Variants in SGCZ observed in about 807,000 individuals in gnomAD.
The protein encoded by SGCZ is sarcoglycan zeta, also known as zeta-sarcoglycan.
SGCZ carries 40 observed loss-of-function variants against 41.3 expected under a neutral mutation model. The observed-to-expected ratio is 0.97, with a 90% CI of 0.75 to 1.26. The LOEUF (loss-of-function observed/expected upper bound fraction) is 1.26. SGCZ is among the 50% of genes most tolerant of loss of function. The pLI, the probability that SGCZ is intolerant of heterozygous loss-of-function variation, is 0.00. For synonymous variants in SGCZ, 206 were observed against 137.5 expected, an observed-to-expected ratio of 1.50 and a Z score of -3.49; for missense variants, 552 against 369.8, an observed-to-expected ratio of 1.49 and a Z score of -4.04.
chr8:15,184,835 C>G (rs1049326018), intron 1 of SGCZ, among the ~76,000 whole-genome samples: 3 of 152,226 alleles, frequency 2.0e-5, no homozygotes, highest in Admixed American at 2.0e-4. Context: ...TTGCTAATCT[C>G]TGTATGCCTC....
intron 2 of SGCZ, among the ~76,000 whole-genome samples, chr8:14,358,998 C>T (rs115012505): frequency 0.026 from 3,996 of 152,042 alleles, 145 homozygotes; most frequent in African/African-American, 0.09. Context: ...TGAAAATTAA[C>T]GTAATTCTAA....
chr8:14,774,083 T>A (rs752308222), intron 1 of SGCZ, among the ~76,000 whole-genome samples: 1 of 152,140 alleles, frequency 6.6e-6, no homozygotes, highest in Non-Finnish European at 1.5e-5. Flanking sequence ...TTCGTTGAGA[T>A]TAACATTTAA....
At chr8:14,365,765 C>T (rs566207662) in intron 2 of SGCZ, among the ~76,000 whole-genome samples, 10 of 152,058 alleles carry the variant, frequency 6.6e-5, no homozygotes, top group African/African-American at 2.4e-4. Flanking sequence ...TTTTGTTTTT[C>T]CAAAAATTTA....
intron 1 of SGCZ, among the ~76,000 whole-genome samples, chr8:15,223,836 C>G (rs1018241224): frequency 3.4e-5 from 5 of 149,026 alleles, no homozygotes; most frequent in African/African-American, 1.3e-4. Flanking sequence ...CAGTTGCCAG[C>G]GAAAAGCTCC....
At chr8:14,412,238 G>A (rs930010137) in intron 2 of SGCZ, among the ~76,000 whole-genome samples, 2 of 152,016 alleles carry the variant, frequency 1.3e-5, no homozygotes, top group African/African-American at 4.8e-5. Context: ...AGAAGCCTCA[G>A]TTTCCTCTTT....
At chr8:14,111,841 T>G (rs1329977342) in intron 5 of SGCZ, among the ~76,000 whole-genome samples, 1 of 152,314 alleles carries the variant, frequency 6.6e-6, no homozygotes, top group African/African-American at 2.4e-5. Context: ...ACTTTGTATT[T>G]AAAGACCGTT....
intron 2 of SGCZ, among the ~76,000 whole-genome samples, chr8:14,359,425 A>T (rs1223510058): frequency 6.6e-6 from 1 of 152,184 alleles, no homozygotes; most frequent in Non-Finnish European, 1.5e-5. Context: ...TGCAGAATAT[A>T]CATTCTTCTT....
At chr8:14,255,973 C>G (rs1251537546) in intron 3 of SGCZ, among the ~76,000 whole-genome samples, 1 of 152,086 alleles carries the variant, frequency 6.6e-6, no homozygotes, top group African/African-American at 2.4e-5. Context: ...GTTTCATTAT[C>G]TATTCATTAA....
chr8:14,352,690 T>A (rs1227106540), intron 2 of SGCZ, among the ~76,000 whole-genome samples: 2 of 152,060 alleles, frequency 1.3e-5, no homozygotes, highest in African/African-American at 2.4e-5. Flanking sequence ...CCTAGAAACT[T>A]TCTTTTCTCA....
At chr8:14,503,116 T>C (rs533331903) in intron 2 of SGCZ, among the ~76,000 whole-genome samples, 1 of 151,876 alleles carries the variant, frequency 6.6e-6, no homozygotes, top group South Asian at 2.1e-4. Context: ...TATGCAGCCA[T>C]AAAAAAAAGA....
At chr8:14,411,313 A>G (rs1257881509) in intron 2 of SGCZ, among the ~76,000 whole-genome samples, 1 of 152,146 alleles carries the variant, frequency 6.6e-6, no homozygotes, top group Non-Finnish European at 1.5e-5. Flanking sequence ...TTTTTACATA[A>G]ACATTCGTAT....
At chr8:15,045,830 C>T (rs1804281209) in intron 1 of SGCZ, among the ~76,000 whole-genome samples, 1 of 152,006 alleles carries the variant, frequency 6.6e-6, no homozygotes, top group South Asian at 2.1e-4. Flanking sequence ...TCCAATCAAA[C>T]AGACTCTCAC....
In SGCZ at chr8:15,237,639, G is replaced by A. The variant is rs924883293; in HGVS notation, c.-16C>T. On this transcript the variant is annotated 5_prime_UTR_variant, in exon 1 of 8. Coordinates refer to ENST00000382080, the MANE Select transcript of SGCZ (RefSeq NM_139167.4). ...ATCTGTCCATGGAGCGCAACTAAAC[G>A]AAGTGGAGAGGAACCGGGCGAGTGG... 1.3e-6 allele frequency: 2 copies of A among 1,579,638 alleles called. No homozygotes were observed. The highest frequency in any genetic ancestry group is 1.3e-5 in the African/African-American group (1 of 74,144).
chr8:14,579,859 G>A (rs1369690240), intron 1 of SGCZ, among the ~76,000 whole-genome samples: 3 of 152,166 alleles, frequency 2.0e-5, no homozygotes, highest in Non-Finnish European at 4.4e-5. Context: ...TTTAGATAAA[G>A]AGACTGAAAA....
chr8:14,520,532 A>C (rs1268270300), intron 2 of SGCZ, among the ~76,000 whole-genome samples: 1 of 152,114 alleles, frequency 6.6e-6, no homozygotes, highest in Non-Finnish European at 1.5e-5. Context: ...CTGCAAGGGA[A>C]ATAATATAAA....
At chr8:14,135,023 G>C (rs1449589864) in intron 5 of SGCZ, among the ~76,000 whole-genome samples, 1 of 152,148 alleles carries the variant, frequency 6.6e-6, no homozygotes, top group Admixed American at 6.5e-5. Context: ...GAATGGAGTA[G>C]TTAAAACAGA....
chr8:14,864,808 G>A (rs1803870360), intron 1 of SGCZ, among the ~76,000 whole-genome samples: 1 of 151,974 alleles, frequency 6.6e-6, no homozygotes, highest in African/African-American at 2.4e-5. Context: ...AAGAGCTCCG[G>A]TTCCTCCTTA....
At chr8:15,115,018 T>C (rs1268630273) in intron 1 of SGCZ, among the ~76,000 whole-genome samples, 1 of 152,148 alleles carries the variant, frequency 6.6e-6, no homozygotes, top group Non-Finnish European at 1.5e-5. Flanking sequence ...AAACTGGCCA[T>C]ATTGAAAAAC....
intron 2 of SGCZ, among the ~76,000 whole-genome samples, chr8:14,462,000 T>G (rs999782009): frequency 1.3e-5 from 2 of 152,114 alleles, no homozygotes; most frequent in Non-Finnish European, 2.9e-5. Flanking sequence ...TTCAAAAATT[T>G]ACCTCATTCA....
Sources: allele counts gnomAD v4.1 joint callset (sites outside exome capture counted in the v4.1 genomes callset), GRCh38; gene constraint gnomAD v4.1.1; transcripts MANE v1.5; gene names NCBI Gene and HGNC (gene_info 2026-07-23, HGNC 2026-07-21).